The following DERL1 variants were observed in gnomAD, a reference collection of about 807,000 sequenced individuals.
DERL1 encodes the protein derlin 1, also known as derlin-1.
Under a neutral mutation model 41.6 loss-of-function variants are expected in DERL1, and 24 were observed. The ratio of observed to expected loss-of-function variants is 0.58; its 90% CI spans 0.42 to 0.81. DERL1 has a LOEUF of 0.81. Ranked by LOEUF, DERL1 falls within the 30% of genes least tolerant of loss-of-function variation. The pLI, the probability that DERL1 is intolerant of heterozygous loss-of-function variation, is 0.00. For missense variants in DERL1, 260 were observed against 314.3 expected (o/e 0.83, Z 1.31); for synonymous variants, 124 against 112.5 (o/e 1.10, Z -0.65).
In DERL1 at chr8:123,022,777, C is replaced by T. The variant is rs758285995; in HGVS notation, c.360G>A (p.Leu120=). ...VITGLAMDMQ[L]LMIPLIMSVL... is the part of the protein sequence containing the mutation. ...CTGACATGATCAGAGGAATCATCAG[C>T]AACTGCAAAAGAAGTCGACATGTAA... The change falls in exon 5 of 8, where the codon TTG becomes TTA. Residue 120 remains leucine (L), a splice_region_variant and synonymous_variant. Transcript: ENST00000259512. 1 of 1,613,870 alleles carries T rather than the reference C, an allele frequency of 6.2e-7. No individual in the cohort carries two copies. Among genetic ancestry groups the T allele is most frequent in the South Asian group, 1.1e-5 (1 of 91,062 alleles).
At chr8:123,032,872 T>C (rs2130488060) in intron 1 of DERL1, among the ~76,000 whole-genome samples, 2 of 151,038 alleles carry the variant, frequency 1.3e-5, no homozygotes, top group East Asian at 3.9e-4. Context: ...TCTTTTTTTT[T>C]TTTTTTTTTG....
At chr8:123,019,438 A>T in intron 6 of DERL1, 133 bp from the exon 7 acceptor site, 1 of 644,888 alleles carries the variant, frequency 1.6e-6, no homozygotes, top group South Asian at 1.9e-5. Context: ...GCTGACAATG[A>T]GCACTTTTGT....
intron 1 of DERL1, among the ~76,000 whole-genome samples, chr8:123,037,352 T>C (rs1457667015): frequency 3.3e-5 from 5 of 152,220 alleles, no homozygotes; most frequent in Admixed American, 6.5e-5. Context: ...ACTCGTTGAA[T>C]GTAATTTCTA....
chr8:123,039,104 G>A (rs1812992421), intron 1 of DERL1, among the ~76,000 whole-genome samples: 1 of 152,154 alleles, frequency 6.6e-6, no homozygotes, highest in Admixed American at 6.5e-5. Context: ...CCATTCGGCT[G>A]TAATCTCGTC....
At chr8:123,034,177 A>G (rs1407893144) in intron 1 of DERL1, among the ~76,000 whole-genome samples, 1 of 152,262 alleles carries the variant, frequency 6.6e-6, no homozygotes, top group Non-Finnish European at 1.5e-5. Flanking sequence ...CTGGCCACAT[A>G]CAGACTGGCC....
intron 2 of DERL1, among the ~76,000 whole-genome samples, chr8:123,028,578 C>T (rs1812753884): frequency 6.6e-6 from 1 of 151,980 alleles, no homozygotes; most frequent in African/African-American, 2.4e-5. Flanking sequence ...GAATTGTACA[C>T]CTTAAAATGG....
Position 123,021,474 on chromosome 8 carries a change from AGGATAACCCAG to A in DERL1, c.468_478del (p.Val158IlefsTer12). ...GCCTCCGATGATATAGTTGAATCCA[AGGATAACCCAG>A]GGTAAATAGCAGGCCTAGGATGGAA... On this transcript the variant is annotated frameshift_variant, in exon 6 of 8. Transcript: ENST00000259512. LOFTEE classifies it high-confidence loss of function. The A allele has an allele frequency of 6.2e-7, 1 of 1,613,940 alleles. No homozygotes were observed.
intron 1 of DERL1, among the ~76,000 whole-genome samples, chr8:123,033,658 G>A (rs1400628075): frequency 7.9e-5 from 12 of 152,160 alleles, no homozygotes; most frequent in African/African-American, 2.2e-4. Flanking sequence ...CAGGAGAATC[G>A]CTTGAATCCA....
At chr8:123,019,984 T>G (rs1814715225) in intron 6 of DERL1, among the ~76,000 whole-genome samples, 1 of 152,180 alleles carries the variant, frequency 6.6e-6, no homozygotes, top group Non-Finnish European at 1.5e-5. Flanking sequence ...TGCAACTACT[T>G]CAGACTTCAC....
chr8:123,018,424 T>C (rs1176234685), intron 7 of DERL1: 1 of 152,234 alleles, frequency 6.6e-6, no homozygotes, highest in Admixed American at 6.6e-5. Flanking sequence ...GCAGCTAGCT[T>C]TACTTACCGA....
chr8:123,020,041 C>T (rs1458822226), intron 6 of DERL1, among the ~76,000 whole-genome samples: 1 of 152,256 alleles, frequency 6.6e-6, no homozygotes, highest in Non-Finnish European at 1.5e-5. Context: ...ACATGCTTTG[C>T]TCTAAACAGT....
chr8:123,019,699 C>T (rs747955839), intron 6 of DERL1, among the ~76,000 whole-genome samples: 25 of 152,288 alleles, frequency 1.6e-4, no homozygotes, highest in African/African-American at 3.1e-4. Flanking sequence ...AAGAGAGAAG[C>T]GTGGGAGTAA....
At position 123,042,014 on chromosome 8, in the gene DERL1, C is replaced by G; in HGVS notation, c.109G>C (p.Ala37Pro). The G allele has an allele frequency of 6.2e-7, 1 of 1,613,822 alleles. No individual in the cohort carries two copies. The highest frequency in any genetic ancestry group is 8.5e-7 in the Non-Finnish European group (1 of 1,179,862). The change falls in exon 1 of 8, where the codon GCC becomes CCC. Residue 37 changes from alanine to proline, a missense_variant. By Grantham distance (27) the Ala-to-Pro change is conservative (BLOSUM62 -1). Transcript: ENST00000259512. ...GCTTCGGGCCAGAGGAAGAGGTAGGCCGGGCTGATGAGGCCGAGTTTGCCG... is the reference window on the plus strand; with the variant it reads ...GCTTCGGGCCAGAGGAAGAGGTAGGGCGGGCTGATGAGGCCGAGTTTGCCG... ...LVGKLGLISP[A>P]YLFLWPEAFL...
chr8:123,040,065 A>C (rs1341773446), intron 1 of DERL1, among the ~76,000 whole-genome samples: 1 of 152,138 alleles, frequency 6.6e-6, no homozygotes, highest in East Asian at 1.9e-4. Context: ...TAAAATACAA[A>C]AATTAGCTGG....
chr8:123,021,643 A>G, intron 5 of DERL1, 144 bp from the exon 6 acceptor site: 4 of 707,746 alleles, frequency 5.7e-6, no homozygotes, highest in South Asian at 1.7e-5. Context: ...TCTAGGATCA[A>G]TCTAGCATTA....
At chr8:123,035,926 G>GTA (rs1812918427) in intron 1 of DERL1, among the ~76,000 whole-genome samples, 1 of 151,928 alleles carries the variant, frequency 6.6e-6, no homozygotes, top group South Asian at 2.1e-4. Flanking sequence ...TCGGACTTAA[G>GTA]TATATATCAG....
chr8:123,019,075 C>T (rs1005299332), intron 7 of DERL1, 120 bp downstream of exon 7: 3 of 730,864 alleles, frequency 4.1e-6, no homozygotes, highest in Non-Finnish European at 7.2e-6. Flanking sequence ...CACTTGTTGC[C>T]TCAGGTTTCT....
intron 2 of DERL1, chr8:123,025,899 C>A (rs1318081910): frequency 6.6e-6 from 1 of 151,946 alleles, no homozygotes; most frequent in Non-Finnish European, 1.5e-5. Context: ...CGCCATATGC[C>A]TTATTGGGCA....
chr8:123,027,767 A>G (rs1207673677), intron 2 of DERL1, among the ~76,000 whole-genome samples: 1 of 152,192 alleles, frequency 6.6e-6, no homozygotes, highest in Non-Finnish European at 1.5e-5. Flanking sequence ...AATTAAAAAT[A>G]AAAGTGGCCA....
Sources: gnomAD v4.1 joint callset for allele counts (sites outside exome capture counted in the v4.1 genomes callset) on GRCh38, gnomAD v4.1.1 for gene constraint, MANE v1.5 for transcripts, NCBI Gene and HGNC (gene_info 2026-07-23, HGNC 2026-07-21) for gene names.